The following DENND5B variants were observed in gnomAD, a reference collection of about 807,000 sequenced individuals.
DENND5B encodes the protein DENN domain containing 5B.
A neutral mutation model predicts 140.6 loss-of-function variants in DENND5B; 34 were observed. The observed-to-expected ratio is 0.24, with a 90% CI of 0.18 to 0.32. The LOEUF (loss-of-function observed/expected upper bound fraction) is 0.32. DENND5B is among the 10% of genes least tolerant of loss of function. The pLI, the probability that DENND5B is intolerant of heterozygous loss-of-function variation, is 1.00. For missense variants in DENND5B, 1,142 were observed against 1,560.2 expected (o/e 0.73, Z 4.52); for synonymous variants, 551 against 562.1 (o/e 0.98, Z 0.28).
intron 2 of DENND5B, among the ~76,000 whole-genome samples, chr12:31,481,757 G>C (rs1374872290): frequency 6.6e-6 from 1 of 152,196 alleles, no homozygotes; most frequent in Non-Finnish European, 1.5e-5. Flanking sequence ...TAGAACTGTG[G>C]GGAGGACAAT....
At chr12:31,493,539 CA>C (rs1328622966) in intron 2 of DENND5B, among the ~76,000 whole-genome samples, 1 of 151,928 alleles carries the variant, frequency 6.6e-6, no homozygotes, top group Non-Finnish European at 1.5e-5. Context: ...ACTAAAAATG[CA>C]AAAATGAGCC....
chr12:31,418,992 G>T (rs975479608), intron 11 of DENND5B, among the ~76,000 whole-genome samples: 1 of 152,086 alleles, frequency 6.6e-6, no homozygotes, highest in Admixed American at 6.6e-5. Flanking sequence ...GCAGCCCTAG[G>T]AAATGAATGC....
chr12:31,574,297 T>TAATAATAATAATAATAATAA (rs1592078386), intron 1 of DENND5B, among the ~76,000 whole-genome samples: 1 of 147,490 alleles, frequency 6.8e-6, no homozygotes, highest in African/African-American at 2.5e-5. Context: ...ATAATAATAA[T>TAATAATAATAATAATAATAA]TTAAAAGGGA....
rs991823770 is a variant in DENND5B at position 31,384,113 on chromosome 12, A to G, written c.*3490T>C. On this transcript the variant is annotated 3_prime_UTR_variant, in exon 21 of 21. Coordinates refer to ENST00000389082, the MANE Select transcript of DENND5B (RefSeq NM_144973.4). The stretch of plus-strand genomic sequence containing the variant: ...GCTTAAAAGTCAAGCATTTATTCTA[A>G]GCATTCTGCTACTACTGTTGTGCTC... The G allele has an allele frequency of 1.3e-5, 2 of 152,204 alleles. No homozygotes were observed. Among genetic ancestry groups the G allele is most frequent in the African/African-American group, 4.8e-5 (2 of 41,438 alleles). The allele number at this position is 152,204 out of a possible 1,614,324, so 9.4% of individuals were successfully genotyped here.
At chr12:31,517,446 C>T (rs972427849) in intron 1 of DENND5B, among the ~76,000 whole-genome samples, 2 of 152,156 alleles carry the variant, frequency 1.3e-5, no homozygotes, top group Non-Finnish European at 2.9e-5. Context: ...AGGTGAAAAC[C>T]ATCTTAGCTG....
intron 1 of DENND5B, among the ~76,000 whole-genome samples, chr12:31,518,377 GAC>G (rs2138979965): frequency 6.6e-6 from 1 of 152,296 alleles, no homozygotes; most frequent in Admixed American, 6.5e-5. Context: ...GAGAATTAAA[GAC>G]AGAGCTGAGG....
At chr12:31,513,296 G>C (rs1181891665) in intron 1 of DENND5B, among the ~76,000 whole-genome samples, 1 of 152,178 alleles carries the variant, frequency 6.6e-6, no homozygotes, top group South Asian at 2.1e-4. Context: ...TGTTCTTCAG[G>C]CTTCTCCACA....
intron 1 of DENND5B, among the ~76,000 whole-genome samples, chr12:31,572,357 T>C (rs974763317): frequency 2.0e-5 from 3 of 152,216 alleles, no homozygotes; most frequent in Non-Finnish European, 4.4e-5. Flanking sequence ...TACAGCTTCA[T>C]TGTTACAAAT....
In DENND5B at chr12:31,451,996, C is replaced by T; in HGVS notation, c.1573G>A (p.Ala525Thr). 6.2e-7 allele frequency: 1 copy of T among 1,613,580 alleles called. No individual in the cohort carries two copies. Among genetic ancestry groups the T allele is most frequent in the Non-Finnish European group, 8.5e-7 (1 of 1,179,790 alleles). ...GTCAGCCAGGATTCCATGTCCTGGG[C>T]AGTCTGAATGACAAATGCTTCGTAA... ...ADYEAFVIQT[A>T]QDMESWLTNR... is the part of the protein sequence containing the mutation. Residue 525 changes from alanine (A) to threonine (T), a missense_variant, in exon 5 of 21, where the codon GCC becomes ACC. Ala to Thr is a moderately conservative substitution (Grantham distance 58, BLOSUM62 0). This residue lies in a region of DENND5B where 708 missense variants were observed against 905.5 expected (regional missense o/e 0.78). Coordinates refer to ENST00000389082, the MANE Select transcript of DENND5B (RefSeq NM_144973.4).
intron 1 of DENND5B, among the ~76,000 whole-genome samples, chr12:31,529,272 A>G (rs1234937272): frequency 6.6e-6 from 1 of 152,174 alleles, no homozygotes; most frequent in Middle Eastern, 3.2e-3. Flanking sequence ...GACAGGGCAG[A>G]AAAAAACTAG....
chr12:31,528,404 A>G (rs1268150518), intron 1 of DENND5B, among the ~76,000 whole-genome samples: 1 of 152,202 alleles, frequency 6.6e-6, no homozygotes, highest in Admixed American at 6.5e-5. Flanking sequence ...TAATCTCCGC[A>G]TCTCAAGATC....
intron 13 of DENND5B, 137 bp downstream of exon 13, chr12:31,413,299 G>T: frequency 1.9e-6 from 2 of 1,078,480 alleles, no homozygotes; most frequent in Non-Finnish European, 2.5e-6. Flanking sequence ...CAAAGCACAC[G>T]CCTGTTAGAT....
intron 9 of DENND5B, 139 bp downstream of exon 9, chr12:31,426,154 C>A: frequency 1.1e-6 from 1 of 920,462 alleles, no homozygotes; most frequent in Non-Finnish European, 1.5e-6. Flanking sequence ...GAGTAAAGAG[C>A]ACATGAGGTC....
intron 1 of DENND5B, among the ~76,000 whole-genome samples, chr12:31,497,337 T>C (rs1946798624): frequency 6.6e-6 from 1 of 152,236 alleles, no homozygotes. Context: ...AAACATTTCA[T>C]CTCTGTATTT....
chr12:31,582,926 A>G (rs1386836405), intron 1 of DENND5B, among the ~76,000 whole-genome samples: 2 of 152,236 alleles, frequency 1.3e-5, no homozygotes, highest in African/African-American at 4.8e-5. Flanking sequence ...CAGATCTTCA[A>G]TCCAGGCTTC....
At chr12:31,429,152 G>A (rs937872346) in intron 8 of DENND5B, among the ~76,000 whole-genome samples, 8 of 151,038 alleles carry the variant, frequency 5.3e-5, no homozygotes, top group Admixed American at 2.0e-4. Flanking sequence ...GATTACAGGC[G>A]TGAGCCACCA....
chr12:31,491,607 T>C (rs1407845429), intron 2 of DENND5B, among the ~76,000 whole-genome samples: 1 of 152,168 alleles, frequency 6.6e-6, no homozygotes, highest in Non-Finnish European at 1.5e-5. Context: ...CATGTCAATG[T>C]TGACATATGT....
intron 3 of DENND5B, among the ~76,000 whole-genome samples, chr12:31,466,352 CA>C (rs887184804): frequency 1.3e-4 from 19 of 142,180 alleles, no homozygotes; most frequent in Non-Finnish European, 1.4e-4. Flanking sequence ...ACTCCATCTC[CA>C]AAAAAAAAAG....
At chr12:31,436,388 A>G (rs767515649) in intron 7 of DENND5B, among the ~76,000 whole-genome samples, 3 of 151,788 alleles carry the variant, frequency 2.0e-5, no homozygotes, top group Non-Finnish European at 4.4e-5. Flanking sequence ...GGCATGAGCT[A>G]CCGTGCCCAA....
Sources: allele counts gnomAD v4.1 joint callset (sites outside exome capture counted in the v4.1 genomes callset), GRCh38; gene constraint gnomAD v4.1.1; regional missense constraint gnomAD v4.1.1; transcripts MANE v1.5; gene names NCBI Gene and HGNC (gene_info 2026-07-23, HGNC 2026-07-21).